The following RNF212B variants were observed in gnomAD, a reference collection of about 807,000 sequenced individuals.
The protein encoded by RNF212B is E3 ubiquitin-protein ligase RNF212B.
Under a neutral mutation model 55.5 loss-of-function variants are expected in RNF212B, and 52 were observed. The ratio of observed to expected loss-of-function variants is 0.94; its 90% confidence interval spans 0.75 to 1.18. RNF212B has a LOEUF of 1.18. Ranked by LOEUF, RNF212B falls within the 50% of genes most tolerant of loss-of-function variation. RNF212B has a pLI of 0.00. For synonymous variants in RNF212B, 99 were observed against 121.4 expected (o/e 0.82, Z 1.21); for missense variants, 289 against 350.4 (o/e 0.82, Z 1.40).
chr14:23,185,937 A>G (rs1877548045), intron 1 of RNF212B, among the ~76,000 whole-genome samples: 1 of 152,032 alleles, frequency 6.6e-6, no homozygotes, highest in Non-Finnish European at 1.5e-5. Flanking sequence ...CCATCTCTAC[A>G]AAAAATACAA....
chr14:23,272,492 C>A, intron 14 of RNF212B: 1 of 286,726 alleles, frequency 3.5e-6, no homozygotes, highest in Non-Finnish European at 6.6e-6. Context: ...GAAGGAAATG[C>A]CACCTCCTCA....
intron 2 of RNF212B, among the ~76,000 whole-genome samples, chr14:23,197,981 G>GA (rs1456690705): frequency 6.6e-6 from 1 of 152,112 alleles, no homozygotes; most frequent in Admixed American, 6.5e-5. Context: ...GGGCGGGGGA[G>GA]ATTACAAAGT....
chr14:23,268,681 T>C lies in RNF212B; in HGVS notation c.635-243T>C, dbSNP rs569682333. 9.7e-4 allele frequency among the ~76,000 whole-genome samples: 147 copies of C among 152,250 alleles called. No homozygotes were observed. The Middle Eastern group carries it at 0.017, about 18-fold the overall frequency. Reference sequence around the variant, plus strand: ...CTTAGAGGGGAAACCAAGGCACAGATACATGAGAGCACATGAAGGCAGTGA... The same window carrying C: ...CTTAGAGGGGAAACCAAGGCACAGACACATGAGAGCACATGAAGGCAGTGA... On this transcript the variant is annotated intron_variant, in intron 11 of 14. Transcript: ENST00000430154.
intron 2 of RNF212B, among the ~76,000 whole-genome samples, chr14:23,204,980 G>T (rs1353186958): frequency 6.6e-6 from 1 of 152,030 alleles, no homozygotes; most frequent in Non-Finnish European, 1.5e-5. Flanking sequence ...AAATATCTTA[G>T]TTTAAAAAAA....
intron 1 of RNF212B, among the ~76,000 whole-genome samples, chr14:23,238,734 T>C (rs1226482152): frequency 8.1e-6 from 1 of 123,466 alleles, no homozygotes; most frequent in Admixed American, 8.5e-5. Context: ...AGACCCTGTC[T>C]CAAAATAATA....
intron 6 of RNF212B, among the ~76,000 whole-genome samples, chr14:23,260,334 A>G (rs2140472212): frequency 6.6e-6 from 1 of 152,330 alleles, no homozygotes; most frequent in East Asian, 1.9e-4. Context: ...GTGTATTTAT[A>G]TAATTTTCCT....
chr14:23,270,697 AATCTCACATGGTTAG>A, intron 14 of RNF212B, 36 bp downstream of exon 14: 1 of 1,426,884 alleles, frequency 7.0e-7, no homozygotes, highest in African/African-American at 1.4e-5. Flanking sequence ...CTGTGCATAA[AATCTCACATGGTTAG>A]GCCTGCACAC....
At chr14:23,243,475 C>T (rs575781765) in intron 3 of RNF212B, among the ~76,000 whole-genome samples, 167 bp downstream of exon 3, 1 of 151,502 alleles carries the variant, frequency 6.6e-6, no homozygotes, top group Non-Finnish European at 1.5e-5. Context: ...GCGGGTGGAT[C>T]GCCTGAGCTC....
rs1555316079 is a variant in RNF212B at position 23,238,780 on chromosome 14, A to ATCATCATCATCATCATC, written c.-2+725_-2+726insTCATCATCATCATCATC. On this transcript the variant is annotated intron_variant, in intron 1 of 14. Coordinates refer to ENST00000430154, the MANE Select transcript of RNF212B (RefSeq NM_001282322.3). ...TAATAATAATAATAATAATAATAATAATCCCACAAAGAAACCTTACAAAGT... is the reference window on the plus strand; with the variant it reads ...TAATAATAATAATAATAATAATAATATCATCATCATCATCATCATCCCACAAAGAAACCTTACAAAGT... Among the ~76,000 whole-genome samples, 22 of 145,652 alleles carry ATCATCATCATCATCATC rather than the reference A, an allele frequency of 1.5e-4. 1 individual carries two copies. The highest frequency in any genetic ancestry group is 6.5e-4 in the South Asian group (3 of 4,626).
intron 4 of RNF212B, among the ~76,000 whole-genome samples, chr14:23,247,708 A>G (rs1403657507): frequency 6.6e-6 from 1 of 152,166 alleles, no homozygotes; most frequent in Non-Finnish European, 1.5e-5. Flanking sequence ...CTTTGGGGCT[A>G]TTATAAGTAA....
At chr14:23,266,333 C>G (rs1036707253) in intron 11 of RNF212B, among the ~76,000 whole-genome samples, 5 of 147,790 alleles carry the variant, frequency 3.4e-5, no homozygotes, top group Non-Finnish European at 7.5e-5. Flanking sequence ...TCAATATCTA[C>G]ATATGTGTGA....
chr14:23,233,741 C>CAAA (rs761783082), upstream of RNF212B, among the ~76,000 whole-genome samples: 11 of 77,566 alleles, frequency 1.4e-4, no homozygotes, highest in African/African-American at 4.9e-4. Flanking sequence ...GACCCTGTCT[C>CAAA]AAAAAAAAAA....
In RNF212B at chr14:23,244,204, C is replaced by T. The variant is rs1414585218; in HGVS notation, c.154-118C>T. 1.0e-5 allele frequency: 6 copies of T among 574,890 alleles called. No individual in the cohort carries two copies. The East Asian group carries it at 1.5e-4, about 14-fold the overall frequency. 35.6% of individuals were successfully genotyped at this position (574,890 alleles called of 1,614,324 possible). On this transcript the variant is annotated intron_variant, in intron 3 of 14. Transcript: ENST00000430154. ...GAAGAGTGGAGATCTCCCTTTTACA[C>T]ACAGTGGAGATAATGTCAGGTACAT...
At chr14:23,226,671 G>A (rs1443367837) in intron 2 of RNF212B, among the ~76,000 whole-genome samples, 1 of 151,916 alleles carries the variant, frequency 6.6e-6, no homozygotes, top group African/African-American at 2.4e-5. Context: ...GAAAACCGGT[G>A]GGTGATGGTA....
rs560658902 is a variant in RNF212B at position 23,251,059 on chromosome 14, T to G, written c.228+6663T>G. Among the ~76,000 whole-genome samples the G allele has an allele frequency of 2.6e-5, 4 of 152,332 alleles. No homozygotes were observed. The East Asian group carries it at 7.7e-4, about 29-fold the overall frequency. On this transcript the variant is annotated intron_variant, in intron 4 of 14. Coordinates refer to ENST00000430154, the MANE Select transcript of RNF212B (RefSeq NM_001282322.3). ...ATTTGGGGGGTCCAACATATTTTCC[T>G]TTGACACTACTAAAAGACAAGAACC...
chr14:23,258,360 A>C, intron 4 of RNF212B, 189 bp from the exon 5 acceptor site: 23 of 301,524 alleles, frequency 7.6e-5, no homozygotes, highest in South Asian at 1.2e-4. Flanking sequence ...AAAAAAAGAC[A>C]GTAGAAGGCT....
intron 2 of RNF212B, among the ~76,000 whole-genome samples, chr14:23,221,535 G>A (rs556649743): frequency 9.2e-5 from 14 of 152,126 alleles, no homozygotes; most frequent in Non-Finnish European, 1.6e-4. Context: ...ACTCCAATAC[G>A]GTAATAGCTG....
At chr14:23,248,096 G>A (rs940119631) in intron 4 of RNF212B, among the ~76,000 whole-genome samples, 1 of 152,028 alleles carries the variant, frequency 6.6e-6, no homozygotes, top group Admixed American at 6.6e-5. Flanking sequence ...TGGCAAACAG[G>A]CTCCTTCAAG....
intron 2 of RNF212B, among the ~76,000 whole-genome samples, chr14:23,197,026 G>A (rs1435552389): frequency 2.0e-5 from 3 of 151,988 alleles, no homozygotes; most frequent in African/African-American, 7.3e-5. Flanking sequence ...ATGTCTTCAG[G>A]GCCCAGTACA....
Sources: gnomAD v4.1 joint callset for allele counts (sites outside exome capture counted in the v4.1 genomes callset) on GRCh38, gnomAD v4.1.1 for gene constraint, MANE v1.5 for transcripts, NCBI Gene and HGNC (gene_info 2026-07-23, HGNC 2026-07-21) for gene names.